ACVR2B: variants seen among roughly 807,000 people sequenced by gnomAD.
ACVR2B encodes activin A receptor type 2B, also known as activin receptor type-2B.
ACVR2B carries 18 observed loss-of-function variants against 65.1 expected under a neutral mutation model. The ratio of observed to expected loss-of-function variants is 0.28; its 90% confidence interval spans 0.19 to 0.41. The LOEUF (loss-of-function observed/expected upper bound fraction) is 0.41. ACVR2B is among the 10% of genes least tolerant of loss of function. The pLI, the probability that ACVR2B is intolerant of heterozygous loss-of-function variation, is 1.00. For missense variants in ACVR2B, 482 were observed against 682.7 expected (o/e 0.71, Z 3.28); for synonymous variants, 298 against 277.7 (o/e 1.07, Z -0.73).
intron 1 of ACVR2B, among the ~76,000 whole-genome samples, chr3:38,465,738 A>G (rs905963688): frequency 1.3e-5 from 2 of 152,208 alleles, no homozygotes; most frequent in African/African-American, 4.8e-5. Context: ...AAGGAGAGAG[A>G]ATGAGGCAGA....
At chr3:38,460,733 T>TA (rs1351016422) in intron 1 of ACVR2B, among the ~76,000 whole-genome samples, 1 of 152,252 alleles carries the variant, frequency 6.6e-6, no homozygotes. Context: ...TGGATGGGTC[T>TA]GACCTGCTGG....
chr3:38,472,268 C>G (rs1390359936), intron 1 of ACVR2B, among the ~76,000 whole-genome samples: 1 of 152,138 alleles, frequency 6.6e-6, no homozygotes, highest in African/African-American at 2.4e-5. Context: ...AGTCACTGCT[C>G]TTGGCCCTCC....
At chr3:38,462,226 T>C (rs907102846) in intron 1 of ACVR2B, among the ~76,000 whole-genome samples, 3 of 151,946 alleles carry the variant, frequency 2.0e-5, no homozygotes, top group South Asian at 2.1e-4. Context: ...AACAAATAAA[T>C]AAATAAATAA....
At chr3:38,461,471 A>G (rs1260084402) in intron 1 of ACVR2B, among the ~76,000 whole-genome samples, 2 of 152,030 alleles carry the variant, frequency 1.3e-5, no homozygotes, top group Non-Finnish European at 2.9e-5. Context: ...GGTTAGAGAG[A>G]TGAATTCTGG....
chr3:38,454,709 A>T, intron 1 of ACVR2B: 1 of 216,200 alleles, frequency 4.6e-6, no homozygotes, highest in Non-Finnish European at 9.1e-6. Flanking sequence ...AGCGTGGGGA[A>T]GGCGGCCAAG....
At position 38,478,258 on chromosome 3, in the gene ACVR2B, G is replaced by T. The variant is rs370063198; in HGVS notation, c.488G>T (p.Arg163Leu). Residue 163 changes from arginine (R) to leucine (L), a missense_variant, in exon 4 of 11, where the codon CGC (arginine) becomes CTC (leucine). Physicochemically the swap from Arg to Leu is moderately radical, Grantham distance 102. Coordinates refer to ENST00000352511, the MANE Select transcript of ACVR2B (RefSeq NM_001106.4). ...CTGGCCTTTTGGATGTACCGGCATC[G>T]CAAGCCCCCCTACGGTCATGTGGAC... Reference protein sequence around the residue: ...VLLAFWMYRHRKPPYGHVDIH... With the variant: ...VLLAFWMYRHLKPPYGHVDIH... 1 of 1,613,980 alleles carries T rather than the reference G, an allele frequency of 6.2e-7. No homozygotes were observed. Among genetic ancestry groups the T allele is most frequent in the Non-Finnish European group, 8.5e-7 (1 of 1,179,984 alleles).
rs1575586996 is a variant in ACVR2B, at chr3:38,477,144, G to C, written c.53-143G>C. 8 of 839,918 alleles carry C rather than the reference G, an allele frequency of 9.5e-6. No homozygotes were observed. In the East Asian group the frequency reaches 2.1e-4, roughly 22 times the overall value. 52.0% of individuals were successfully genotyped at this position (839,918 alleles called of 1,614,324 possible). ...GGGACGGATGGGTGGCCTACGTCCAGGGGTGAGTGCAGGAGGTTGGTGACC... is the reference window on the plus strand; with the variant it reads ...GGGACGGATGGGTGGCCTACGTCCACGGGTGAGTGCAGGAGGTTGGTGACC... On this transcript the variant is annotated intron_variant, in intron 1 of 10. Transcript: ENST00000352511. The surrounding 1 kb of genome is among the most constrained non-coding windows in gnomAD (Gnocchi z 6.7).
chr3:38,458,021 C>T (rs948956435), intron 1 of ACVR2B, among the ~76,000 whole-genome samples: 2 of 152,258 alleles, frequency 1.3e-5, no homozygotes, highest in African/African-American at 2.4e-5. Flanking sequence ...GGGTATCCTC[C>T]CTAGCTCTTA....
chr3:38,483,260 C>T lies in ACVR2B; in HGVS notation c.1467C>T (p.Thr489=). 6.2e-7 allele frequency: 1 copy of T among 1,614,076 alleles called. No homozygotes were observed. Among genetic ancestry groups the T allele is most frequent in the East Asian group, 2.2e-5 (1 of 44,868 alleles). Residue 489 remains threonine (T), a synonymous_variant, in exon 11 of 11, where the codon ACC becomes ACT. Transcript: ENST00000352511. The surrounding 1 kb of genome is among the most constrained non-coding windows in gnomAD (Gnocchi z 4.8). ...SLIRRSVNGT[T]SDCLVSLVTS... ...TTCGGAGGTCGGTCAACGGCACTAC[C>T]TCGGACTGTCTCGTTTCCCTGGTGA...
At chr3:38,455,949 C>T (rs190581367) in intron 1 of ACVR2B, among the ~76,000 whole-genome samples, 1 of 152,296 alleles carries the variant, frequency 6.6e-6, no homozygotes, top group Non-Finnish European at 1.5e-5. Flanking sequence ...TGGGGCTCTT[C>T]CAAGCCCAGG....
intron 7 of ACVR2B, among the ~76,000 whole-genome samples, chr3:38,480,930 C>CT (rs1175009158): frequency 1.3e-5 from 2 of 152,198 alleles, no homozygotes; most frequent in Non-Finnish European, 2.9e-5. Context: ...CCTAAGGGGT[C>CT]TCTGCAGGAT....
chr3:38,457,968 C>T (rs948882841), intron 1 of ACVR2B, among the ~76,000 whole-genome samples: 19 of 151,918 alleles, frequency 1.3e-4, no homozygotes, highest in Admixed American at 1.2e-3. Context: ...GCTGGGCACT[C>T]GAGGCTCTGC....
At chr3:38,465,105 T>C (rs957590644) in intron 1 of ACVR2B, among the ~76,000 whole-genome samples, 2 of 151,748 alleles carry the variant, frequency 1.3e-5, no homozygotes, top group Admixed American at 6.6e-5. Flanking sequence ...TATTTAAAAA[T>C]AGAAGTGTTC....
rs1322307828 is a variant in ACVR2B, at chr3:38,490,829, T to C, written c.*7497T>C. ...CTTCCCAAGGACTGAAGAAAGGGCT[T>C]CTGGCAAGCTCGTCATGGCATTGTG... On this transcript the variant is annotated 3_prime_UTR_variant, in exon 11 of 11. Coordinates refer to ENST00000352511, the MANE Select transcript of ACVR2B (RefSeq NM_001106.4). The C allele has an allele frequency of 6.6e-6, 1 of 152,666 alleles. No individual in the cohort carries two copies. The highest frequency in any genetic ancestry group is 1.5e-5 in the Non-Finnish European group (1 of 68,070). The allele number at this position is 152,666 out of a possible 1,614,324, so 9.5% of individuals were successfully genotyped here.
chr3:38,478,610 T>A, intron 5 of ACVR2B, 92 bp downstream of exon 5: 1 of 1,555,520 alleles, frequency 6.4e-7, no homozygotes, highest in Non-Finnish European at 8.8e-7. Context: ...AAACCCCAAA[T>A]AATATTGTGG....
Position 38,482,566 on chromosome 3 carries a change from G to A in ACVR2B, c.1344+6G>A. The A allele has an allele frequency of 6.2e-7, 1 of 1,609,218 alleles. No individual in the cohort carries two copies. On this transcript the variant is annotated splice_donor_region_variant and intron_variant, in intron 10 of 10. Coordinates refer to ENST00000352511, the MANE Select transcript of ACVR2B (RefSeq NM_001106.4). ...ATCACTGGTTGAAACACCCGGTAAG[G>A]GGCCTGGTTCAGGCAACTTTGCAGG...
At chr3:38,454,504 TCCGGGGGCGTGGG>T (rs1414698416) in intron 1 of ACVR2B, 130 bp downstream of exon 1, 1 of 825,590 alleles carries the variant, frequency 1.2e-6, no homozygotes. Flanking sequence ...AGCCCTCACC[TCCGGGGGCGTGGG>T]CTGGGGGCGC....
chr3:38,479,082 G>A (rs747010144), intron 5 of ACVR2B, 46 bp from the exon 6 acceptor site: 1 of 1,612,814 alleles, frequency 6.2e-7, no homozygotes, highest in South Asian at 1.1e-5. Context: ...CTGCAGCAGG[G>A]CTAAGCCAGC....
In ACVR2B at chr3:38,454,113, C is replaced by T. The variant is rs867076040; in HGVS notation, c.-210C>T. The T allele has an allele frequency of 1.6e-5, 3 of 188,108 alleles. No homozygotes were observed. Among genetic ancestry groups the T allele is most frequent in the Middle Eastern group, 2.3e-3 (1 of 442 alleles). 11.7% of individuals were successfully genotyped at this position (188,108 alleles called of 1,614,324 possible). A position where few individuals can be genotyped will look rare whatever the true frequency, so the allele number is the denominator to read the frequency against. On this transcript the variant is annotated 5_prime_UTR_variant, in exon 1 of 11. Coordinates refer to ENST00000352511, the MANE Select transcript of ACVR2B (RefSeq NM_001106.4). ...CCGGAGCCCGGGCCGCAGCCTGCGC[C>T]GCCCGCAGCGGCCCTGAGCCCGGCC...
Sources: allele counts gnomAD v4.1 joint callset (sites outside exome capture counted in the v4.1 genomes callset), GRCh38; gene constraint gnomAD v4.1.1; non-coding constraint Gnocchi (gnomAD v3.1); transcripts MANE v1.5; gene names NCBI Gene and HGNC (gene_info 2026-07-23, HGNC 2026-07-21).